The following ZBTB7C variants were observed in gnomAD, a reference collection of about 807,000 sequenced individuals.
ZBTB7C encodes the protein zinc finger and BTB domain-containing protein 7C.
ZBTB7C carries 8 observed loss-of-function variants against 25.7 expected under a neutral mutation model. That is an observed-to-expected ratio of 0.31 (90% CI 0.18 to 0.56). The LOEUF (loss-of-function observed/expected upper bound fraction) is 0.56, where lower values mean the gene tolerates loss of function less well. Ranked by LOEUF, ZBTB7C falls within the 20% of genes least tolerant of loss-of-function variation. The pLI is 0.91. For synonymous variants in ZBTB7C, 394 were observed against 369.0 expected, an observed-to-expected ratio of 1.07 and a Z score of -0.78; for missense variants, 824 against 855.2, an observed-to-expected ratio of 0.96 and a Z score of 0.46.
chr18:48,064,598 C>T (rs759325246), intron 3 of ZBTB7C, among the ~76,000 whole-genome samples: 23 of 152,160 alleles, frequency 1.5e-4, no homozygotes, highest in Non-Finnish European at 3.2e-4. Flanking sequence ...CAAAAATTAG[C>T]TGGGCATGGT....
chr18:48,237,311 GAAGA>G (rs2043405921), intron 2 of ZBTB7C, among the ~76,000 whole-genome samples: 1 of 151,752 alleles, frequency 6.6e-6, no homozygotes, highest in African/African-American at 2.4e-5. Context: ...CCCCATCAAG[GAAGA>G]ACCATTGTGA....
intron 2 of ZBTB7C, among the ~76,000 whole-genome samples, chr18:48,211,187 C>A (rs1433856622): frequency 1.3e-5 from 2 of 152,120 alleles, no homozygotes; most frequent in Non-Finnish European, 2.9e-5. Flanking sequence ...AAAAATAACT[C>A]AAATGGGTGA....
chr18:48,165,822 C>T (rs2041225671), intron 3 of ZBTB7C, among the ~76,000 whole-genome samples: 1 of 152,172 alleles, frequency 6.6e-6, no homozygotes, highest in Non-Finnish European at 1.5e-5. Flanking sequence ...CACATATTCT[C>T]GCCACGTAAG....
At chr18:48,131,769 A>T (rs1487631796) in intron 3 of ZBTB7C, among the ~76,000 whole-genome samples, 1 of 152,218 alleles carries the variant, frequency 6.6e-6, no homozygotes, top group Non-Finnish European at 1.5e-5. Context: ...GGCTCTCACT[A>T]TACCTATAGA....
rs2145130616 is a variant in ZBTB7C, at chr18:48,185,937, C to T, written c.-20G>A. 6.6e-6 allele frequency: 1 copy of T among 152,402 alleles called. No individual in the cohort carries two copies. Among genetic ancestry groups the T allele is most frequent in the East Asian group, 1.9e-4 (1 of 5,194 alleles). 9.4% of individuals were successfully genotyped at this position (152,402 alleles called of 1,614,324 possible). ...AAAAAGCAAAATTCATACTCACAAG[C>T]ACCGATGCCTTAGTTTTAAATTTCA... On this transcript the variant is annotated 5_prime_UTR_variant, in exon 3 of 5. Coordinates refer to ENST00000590800, the MANE Select transcript of ZBTB7C (RefSeq NM_001318841.2).
Position 48,277,330 on chromosome 18 carries a change from G to C in ZBTB7C, c.-79+60844C>G, listed in dbSNP as rs1051038960. ...AAACAAACAACCCCATCAAAAAGTG[G>C]GCGAAGGACATGAACAGACACTTCT... is the stretch of plus-strand genomic sequence containing the variant. On this transcript the variant is annotated intron_variant, in intron 2 of 4. Coordinates refer to ENST00000590800, the MANE Select transcript of ZBTB7C (RefSeq NM_001318841.2). 1.4e-5 allele frequency among the ~76,000 whole-genome samples: 2 copies of C among 147,924 alleles called. 1 individual carries two copies. The highest frequency in any genetic ancestry group is 4.4e-4 in the South Asian group (2 of 4,500).
At chr18:48,097,340 C>A (rs2038670203) in intron 3 of ZBTB7C, among the ~76,000 whole-genome samples, 1 of 151,964 alleles carries the variant, frequency 6.6e-6, no homozygotes, top group Admixed American at 6.5e-5. Flanking sequence ...GATGAGAGAG[C>A]ATATGGTCCC....
rs563916199 is a variant in ZBTB7C, at chr18:48,083,999, C to T, written c.-16-42876G>A. The stretch of plus-strand genomic sequence containing the variant: ...CGCAGGGACAGCCTCCTCCCTTGTG[C>T]CTATGGAAGGTTTCCACACCGAAGG... On this transcript the variant is annotated intron_variant, in intron 3 of 4. Transcript: ENST00000590800. 5.0e-4 allele frequency: 265 copies of T among 534,050 alleles called. 1 individual carries two copies. The African/African-American group carries it at 5.3e-3, about 11-fold the overall frequency. The allele number at this position is 534,050 out of a possible 1,614,324, so 33.1% of individuals were successfully genotyped here. A position where few individuals can be genotyped will look rare whatever the true frequency, so the allele number is the denominator to read the frequency against.
intron 1 of ZBTB7C, among the ~76,000 whole-genome samples, chr18:48,392,489 A>C (rs1041416378): frequency 6.6e-6 from 1 of 152,178 alleles, no homozygotes; most frequent in Non-Finnish European, 1.5e-5. Flanking sequence ...AGGTATAATC[A>C]AGATTGCTGC....
chr18:48,197,044 C>G (rs1217382344), intron 2 of ZBTB7C, among the ~76,000 whole-genome samples: 2 of 152,128 alleles, frequency 1.3e-5, no homozygotes, highest in African/African-American at 4.8e-5. Flanking sequence ...GGTGACGAGA[C>G]CAAATTCTGT....
At chr18:48,317,252 C>T (rs1033378511) in intron 2 of ZBTB7C, among the ~76,000 whole-genome samples, 36 of 129,482 alleles carry the variant, frequency 2.8e-4, no homozygotes, top group Non-Finnish European at 4.9e-4. Flanking sequence ...AGTGAAACTC[C>T]GTCTCAAAAA....
Position 48,239,411 on chromosome 18 carries a change from C to T in ZBTB7C, c.-78-53416G>A, listed in dbSNP as rs575266110. ...ACCAACTGCTAGCACAACCAGCATT[C>T]GAGAAAGCCAGTGCACTAAACAAAA... On this transcript the variant is annotated intron_variant, in intron 2 of 4. Coordinates refer to ENST00000590800, the MANE Select transcript of ZBTB7C (RefSeq NM_001318841.2). 1.7e-3 allele frequency among the ~76,000 whole-genome samples: 265 copies of T among 152,292 alleles called. 1 individual carries two copies. Among genetic ancestry groups the T allele is most frequent in the African/African-American group, 6.1e-3 (252 of 41,540 alleles).
chr18:48,284,388 A>G (rs1202125429), intron 2 of ZBTB7C, among the ~76,000 whole-genome samples: 3 of 148,344 alleles, frequency 2.0e-5, no homozygotes, highest in Admixed American at 6.7e-5. Flanking sequence ...TCAGTGAGTC[A>G]TGATCATGCC....
intron 2 of ZBTB7C, among the ~76,000 whole-genome samples, chr18:48,300,655 C>CA (rs1320370526): frequency 4.6e-5 from 7 of 151,876 alleles, no homozygotes; most frequent in South Asian, 2.1e-4. Flanking sequence ...AAATGAATGG[C>CA]AAAAAAAATG....
rs1039249028 is a variant in ZBTB7C, at chr18:48,039,916, C to T, written c.1192G>A (p.Glu398Lys). Residue 398 changes from glutamate to lysine, a missense_variant, in exon 4 of 5, where the codon GAG becomes AAG. Physicochemically the swap from Glu to Lys is moderately conservative, Grantham distance 56. Around this residue, in one of 4 missense-constraint regions of ZBTB7C, gnomAD observed 49 missense variants for 81.3 expected, o/e 0.60. Coordinates refer to ENST00000590800, the MANE Select transcript of ZBTB7C (RefSeq NM_001318841.2). ...GEKPYMCTIC[E>K]VRFTRQDKLK... The stretch of plus-strand genomic sequence containing the variant: ...CATGCGCACCTGGTGAAGCGGACCT[C>T]GCAGATGGTGCACATGTATGGCTTC... 9.3e-6 allele frequency: 15 copies of T among 1,612,908 alleles called. No homozygotes were observed. The highest frequency in any genetic ancestry group is 1.7e-4 in the Middle Eastern group (1 of 6,060).
intron 4 of ZBTB7C, 115 bp downstream of exon 4, chr18:48,039,785 C>T: frequency 9.0e-7 from 1 of 1,107,292 alleles, no homozygotes; most frequent in Non-Finnish European, 1.3e-6. Context: ...CACGAGCCTG[C>T]ATGTGTGTGG....
At chr18:48,048,752 T>C (rs2036568387) in intron 3 of ZBTB7C, among the ~76,000 whole-genome samples, 1 of 152,158 alleles carries the variant, frequency 6.6e-6, no homozygotes, top group Non-Finnish European at 1.5e-5. Flanking sequence ...AGATCTACGC[T>C]ATTGAAGACA....
At chr18:48,340,931 A>T (rs968688261) in intron 1 of ZBTB7C, among the ~76,000 whole-genome samples, 6 of 152,130 alleles carry the variant, frequency 3.9e-5, no homozygotes, top group African/African-American at 1.4e-4. Flanking sequence ...TGACCTCTGC[A>T]CTCTGTCACA....
chr18:48,041,170 C>CA (rs1227994792), intron 3 of ZBTB7C, 47 bp from the exon 4 acceptor site: 1 of 1,527,242 alleles, frequency 6.5e-7, no homozygotes, highest in Non-Finnish European at 8.8e-7. Context: ...AGCGTGGCCC[C>CA]AGGAGGGGTC....
Sources: allele counts gnomAD v4.1 joint callset (sites outside exome capture counted in the v4.1 genomes callset), GRCh38; gene constraint gnomAD v4.1.1; regional missense constraint gnomAD v4.1.1; transcripts MANE v1.5; gene names NCBI Gene and HGNC (gene_info 2026-07-23, HGNC 2026-07-21).